Variants in KGD4 observed in about 807,000 individuals in gnomAD.
The protein encoded by KGD4 is alpha-ketoglutarate dehydrogenase component 4.
the KGD4 span, chr5:69,228,510 C>T: frequency 1.1e-6 from 1 of 925,588 alleles, no homozygotes; most frequent in Non-Finnish European, 1.6e-6. Context: ...AGAGCTAAGA[C>T]AGGATGGTCA....
At chr5:69,229,532 G>A in the KGD4 span, 4 of 231,678 alleles carry the variant, frequency 1.7e-5, no homozygotes, top group Admixed American at 1.6e-4. Context: ...CACACAATGT[G>A]TAGTAAACTA....
chr5:69,227,835 G>A, the KGD4 span, among the ~76,000 whole-genome samples: 5 of 152,216 alleles, frequency 3.3e-5, no homozygotes, highest in African/African-American at 1.2e-4. Context: ...TTAGCTGGGT[G>A]CAGTGGCACA....
chr5:69,229,209 G>A, the KGD4 span: 86 of 1,609,696 alleles, frequency 5.3e-5, no homozygotes, highest in Admixed American at 1.0e-4. Context: ...CCTTTTCAGC[G>A]TGGAGGTCCT....
chr5:69,227,570 A>T, the KGD4 span, among the ~76,000 whole-genome samples: 4,601 of 152,262 alleles, frequency 0.03, 121 homozygotes, highest in Admixed American at 0.07. Flanking sequence ...GTATATTTTT[A>T]ACTTATTGTA....
the KGD4 span, chr5:69,218,173 G>A: frequency 2.2e-6 from 1 of 449,488 alleles, no homozygotes; most frequent in Non-Finnish European, 4.0e-6. Flanking sequence ...TTAGTCTTAG[G>A]CGTGTGCGGG....
At chr5:69,219,841 A>C in the KGD4 span, among the ~76,000 whole-genome samples, 79 of 152,306 alleles carry the variant, frequency 5.2e-4, no homozygotes, top group Non-Finnish European at 7.2e-4. Flanking sequence ...TAAATAATAA[A>C]GTATGTGCTA....
At chr5:69,218,293 C>T in the KGD4 span, among the ~76,000 whole-genome samples, 2 of 152,286 alleles carry the variant, frequency 1.3e-5, no homozygotes, top group East Asian at 1.9e-4. Context: ...GGAAGCGAAC[C>T]CTGGATCTGA....
chr5:69,226,482 T>C, the KGD4 span: 1 of 976,170 alleles, frequency 1.0e-6, no homozygotes, highest in Non-Finnish European at 1.6e-6. Flanking sequence ...TAGGCAATAT[T>C]TCTCATTTTA....
the KGD4 span, among the ~76,000 whole-genome samples, chr5:69,221,570 T>C: frequency 6.6e-6 from 1 of 152,210 alleles, no homozygotes; most frequent in Non-Finnish European, 1.5e-5. Context: ...AAAAATTGGA[T>C]ATCCATCTAG....
the KGD4 span, among the ~76,000 whole-genome samples, chr5:69,224,705 G>A: frequency 2.6e-5 from 4 of 151,956 alleles, no homozygotes; most frequent in South Asian, 2.1e-4. Flanking sequence ...CGGAGGTTGC[G>A]GTAAGGCCAC....
chr5:69,226,506 C>A, the KGD4 span: 1 of 808,624 alleles, frequency 1.2e-6, no homozygotes, highest in Non-Finnish European at 2.0e-6. Context: ...TCAGTTAAGA[C>A]TATTGTAGCT....
the KGD4 span, among the ~76,000 whole-genome samples, chr5:69,218,842 TC>T: frequency 6.6e-6 from 1 of 152,186 alleles, no homozygotes; most frequent in Non-Finnish European, 1.5e-5. Context: ...CAGTCTTTGG[TC>T]CCATTGCAAT....
At chr5:69,218,175 G>GC in the KGD4 span, 1 of 437,986 alleles carries the variant, frequency 2.3e-6, no homozygotes, top group Non-Finnish European at 4.1e-6. Context: ...AGTCTTAGGC[G>GC]TGTGCGGGTG....
chr5:69,222,329 G>A, the KGD4 span, among the ~76,000 whole-genome samples: 1 of 152,206 alleles, frequency 6.6e-6, no homozygotes, highest in Non-Finnish European at 1.5e-5. Context: ...AGGCATGGAA[G>A]TGGAATGGGA....
At chr5:69,228,121 A>T in the KGD4 span, 26 of 1,066,400 alleles carry the variant, frequency 2.4e-5, 1 homozygote, top group South Asian at 5.2e-4. Flanking sequence ...TGACTTGATT[A>T]TTTGATAGTA....
At chr5:69,228,347 G>A in the KGD4 span, 1 of 1,600,400 alleles carries the variant, frequency 6.2e-7, no homozygotes. Context: ...CAGAAATACA[G>A]AAGGAAACTT....
the KGD4 span, among the ~76,000 whole-genome samples, chr5:69,224,673 G>A: frequency 6.6e-6 from 1 of 151,936 alleles, no homozygotes; most frequent in Non-Finnish European, 1.5e-5. Context: ...CAAGAAGATT[G>A]CTTGTACCTA....
At chr5:69,228,295 C>G in the KGD4 span, 1 of 1,609,172 alleles carries the variant, frequency 6.2e-7, no homozygotes, top group Non-Finnish European at 8.5e-7. Flanking sequence ...GCTGATGTAT[C>G]AGGGTCCACC....
the KGD4 span, chr5:69,228,277 C>T: frequency 3.7e-6 from 6 of 1,609,356 alleles, no homozygotes; most frequent in South Asian, 6.7e-5. Context: ...AAGTAAATCA[C>T]CAGATTTGCT....
Sources: allele counts gnomAD v4.1 joint callset (sites outside exome capture counted in the v4.1 genomes callset), GRCh38; gene constraint gnomAD v4.1.1; transcripts MANE v1.5; gene names NCBI Gene and HGNC (gene_info 2026-07-23, HGNC 2026-07-21).